PDGFD: variants seen among roughly 807,000 people sequenced by gnomAD.
The protein encoded by PDGFD is platelet-derived growth factor D.
A neutral mutation model predicts 44.7 loss-of-function variants in PDGFD; 30 were observed. The observed-to-expected ratio is 0.67, with a 90% confidence interval of 0.50 to 0.91. The LOEUF (loss-of-function observed/expected upper bound fraction) is 0.91, where lower values mean the gene tolerates loss of function less well. PDGFD is among the 40% of genes least tolerant of loss of function. PDGFD has a pLI of 0.00. For synonymous variants in PDGFD, 173 were observed against 168.4 expected, an observed-to-expected ratio of 1.03 and a Z score of -0.21; for missense variants, 445 against 457.8, an observed-to-expected ratio of 0.97 and a Z score of 0.25.
In PDGFD at chr11:104,158,881, G is replaced by A. The variant is rs1360130560; in HGVS notation, c.124+4923C>T. Reference sequence around the variant, plus strand: ...ATGATAAAGAACTATTTGGCAGGGCGCGGTGGCTCAAGCCTGTAATCCCAG... The same window carrying A: ...ATGATAAAGAACTATTTGGCAGGGCACGGTGGCTCAAGCCTGTAATCCCAG... On this transcript the variant is annotated intron_variant, in intron 1 of 6. Transcript: ENST00000393158. Among the ~76,000 whole-genome samples the A allele has an allele frequency of 4.0e-5, 6 of 151,896 alleles. 1 individual carries two copies. Among genetic ancestry groups the A allele is most frequent in the Middle Eastern group, 6.8e-3 (2 of 294 alleles).
rs547145290 is a variant in PDGFD at position 103,993,954 on chromosome 11, C to T, written c.510+2111G>A. On this transcript the variant is annotated intron_variant, in intron 3 of 6. Coordinates refer to ENST00000393158, the MANE Select transcript of PDGFD (RefSeq NM_025208.5). Reference sequence around the variant, plus strand: ...AAAAAAAAACACAAAATTGAATATACTGGTGGAGGTAAATAAGCCAGGAGA... The same window carrying T: ...AAAAAAAAACACAAAATTGAATATATTGGTGGAGGTAAATAAGCCAGGAGA... Among the ~76,000 whole-genome samples, 4 of 152,074 alleles carry T rather than the reference C, an allele frequency of 2.6e-5. No individual in the cohort carries two copies. The South Asian group carries it at 6.2e-4, about 24-fold the overall frequency.
At chr11:103,942,661 T>C (rs1036234182) in intron 5 of PDGFD, among the ~76,000 whole-genome samples, 1 of 152,042 alleles carries the variant, frequency 6.6e-6, no homozygotes, top group South Asian at 2.1e-4. Context: ...ATCTAGAAGG[T>C]AGAATTGAAA....
intron 3 of PDGFD, among the ~76,000 whole-genome samples, chr11:103,948,625 T>C (rs1219391216): frequency 6.6e-6 from 1 of 151,816 alleles, no homozygotes; most frequent in Non-Finnish European, 1.5e-5. Flanking sequence ...TACCGAGGAG[T>C]GGGAGGTGTT....
At chr11:103,957,981 A>G (rs1328803015) in intron 3 of PDGFD, among the ~76,000 whole-genome samples, 1 of 152,156 alleles carries the variant, frequency 6.6e-6, no homozygotes, top group African/African-American at 2.4e-5. Flanking sequence ...GAGAAATACT[A>G]CAGTATTTCT....
At position 103,910,928 on chromosome 11, in the gene PDGFD, C is replaced by T. The variant is rs140223129; in HGVS notation, c.988-1109G>A. ...CTGCCATTGCTGAGGCTTGAGTAGG[C>T]GAGGCGGTTTTACCCTCAAAGTGTA... On this transcript the variant is annotated intron_variant, in intron 6 of 6. Coordinates refer to ENST00000393158, the MANE Select transcript of PDGFD (RefSeq NM_025208.5). Among the ~76,000 whole-genome samples the T allele has an allele frequency of 4.5e-3, 686 of 152,244 alleles. 8 individuals are homozygous for T. Among genetic ancestry groups the T allele is most frequent in the African/African-American group, 0.016 (659 of 41,556 alleles).
chr11:104,064,957 G>C (rs1232303401), intron 1 of PDGFD, among the ~76,000 whole-genome samples: 1 of 152,210 alleles, frequency 6.6e-6, no homozygotes, highest in African/African-American at 2.4e-5. Context: ...TGCCAAAGGA[G>C]ATTAACATTT....
intron 3 of PDGFD, among the ~76,000 whole-genome samples, chr11:103,986,654 C>T (rs1193571891): frequency 1.3e-5 from 2 of 152,158 alleles, no homozygotes; most frequent in Non-Finnish European, 2.9e-5. Context: ...GTAGGCCAAA[C>T]TAACTTTGGG....
chr11:103,932,130 T>C (rs1441226861), intron 5 of PDGFD, among the ~76,000 whole-genome samples: 1 of 152,214 alleles, frequency 6.6e-6, no homozygotes, highest in Non-Finnish European at 1.5e-5. Flanking sequence ...ATTTACTTCA[T>C]AGACCTTGTT....
intron 5 of PDGFD, among the ~76,000 whole-genome samples, chr11:103,928,631 T>C (rs1858354100): frequency 6.6e-6 from 1 of 152,230 alleles, no homozygotes; most frequent in Non-Finnish European, 1.5e-5. Flanking sequence ...CCAATTGTCA[T>C]ACGCTGAGCC....
At chr11:104,134,050 T>G (rs1861964705) in intron 1 of PDGFD, among the ~76,000 whole-genome samples, 3 of 152,224 alleles carry the variant, frequency 2.0e-5, no homozygotes. Context: ...GCATTAATCA[T>G]TCCTATCAGC....
chr11:103,997,380 C>T lies in PDGFD; in HGVS notation c.330-1135G>A, dbSNP rs541364743. On this transcript the variant is annotated intron_variant, in intron 2 of 6. Coordinates refer to ENST00000393158, the MANE Select transcript of PDGFD (RefSeq NM_025208.5). The stretch of plus-strand genomic sequence containing the variant: ...GGCCTTCCTGGTCTTACTCATGCAC[C>T]TCAGAGCTCTACTGGATTGGGCAAG... Among the ~76,000 whole-genome samples, 3 of 152,220 alleles carry T rather than the reference C, an allele frequency of 2.0e-5. No homozygotes were observed. The South Asian group carries it at 6.2e-4, about 32-fold the overall frequency.
intron 1 of PDGFD, among the ~76,000 whole-genome samples, chr11:104,018,488 GT>G (rs1325214500): frequency 6.6e-6 from 1 of 152,204 alleles, no homozygotes; most frequent in Non-Finnish European, 1.5e-5. Context: ...TTCATCTGCA[GT>G]TTCGAAGTCA....
At chr11:104,017,926 G>A (rs1420417878) in intron 1 of PDGFD, among the ~76,000 whole-genome samples, 2 of 152,134 alleles carry the variant, frequency 1.3e-5, no homozygotes, top group African/African-American at 4.8e-5. Context: ...TCTCCAGAAA[G>A]ATTTGAAAAT....
chr11:103,994,881 CTTT>C (rs35702032), intron 3 of PDGFD, among the ~76,000 whole-genome samples: 30 of 136,368 alleles, frequency 2.2e-4, no homozygotes, highest in Admixed American at 3.0e-4. Context: ...GTTGCTATTC[CTTT>C]TTTTTTTTTT....
chr11:103,962,627 A>C (rs1473906534), intron 3 of PDGFD, among the ~76,000 whole-genome samples: 1 of 152,186 alleles, frequency 6.6e-6, no homozygotes, highest in Non-Finnish European at 1.5e-5. Context: ...AGATTTGATA[A>C]TCACCATGTG....
chr11:103,965,444 G>C (rs908657523), intron 3 of PDGFD, among the ~76,000 whole-genome samples: 2 of 152,124 alleles, frequency 1.3e-5, no homozygotes, highest in Admixed American at 1.3e-4. Context: ...ATTTTCAGCT[G>C]CCAAAGCTCT....
chr11:103,947,606 G>T, intron 4 of PDGFD, 56 bp downstream of exon 4: 1 of 1,394,568 alleles, frequency 7.2e-7, no homozygotes, highest in Non-Finnish European at 1.0e-6. Context: ...TTTTGGGGTT[G>T]ACCTTAGCTG....
intron 1 of PDGFD, among the ~76,000 whole-genome samples, chr11:104,108,690 T>C (rs12225395): frequency 0.1 from 15,666 of 152,020 alleles, 955 homozygotes; most frequent in East Asian, 0.31. Context: ...ACCCAGCCAT[T>C]CCATTACTGG....
intron 3 of PDGFD, among the ~76,000 whole-genome samples, chr11:103,969,756 T>C (rs1859076601): frequency 6.6e-6 from 1 of 151,928 alleles, no homozygotes; most frequent in African/African-American, 2.4e-5. Flanking sequence ...AATTTAGGGA[T>C]GAAAAATACA....
Sources: allele counts gnomAD v4.1 joint callset (sites outside exome capture counted in the v4.1 genomes callset), GRCh38; gene constraint gnomAD v4.1.1; transcripts MANE v1.5; gene names NCBI Gene and HGNC (gene_info 2026-07-23, HGNC 2026-07-21).